The following PCDHA7 variants were observed in gnomAD, a reference collection of about 807,000 sequenced individuals.
PCDHA7 encodes the protein protocadherin alpha-7.
In PCDHA7, 37 loss-of-function variants were observed where a neutral mutation model predicts 57.2. The observed-to-expected ratio is 0.65, with a 90% CI of 0.50 to 0.85. PCDHA7 has a LOEUF of 0.85. Among genes scored for constraint, PCDHA7 ranks in the 40% least tolerant of loss-of-function variants. PCDHA7 has a pLI of 0.00. For synonymous variants in PCDHA7, 553 were observed against 558.8 expected, an observed-to-expected ratio of 0.99 and a Z score of 0.15; for missense variants, 1,188 against 1,241.8, an observed-to-expected ratio of 0.96 and a Z score of 0.65.
rs546684407 is a variant in PCDHA7 at position 140,870,806 on chromosome 5, A to G, written c.2355+34068A>G. 6.2e-6 allele frequency: 10 copies of G among 1,613,688 alleles called. No individual in the cohort carries two copies. In the Admixed American group the frequency reaches 1.7e-4, roughly 27 times the overall value. ...AACGCGCCGGCACTGCTGGCGACTC[A>G]GGCTGGCAGCGCGGGAGGCGCAGTT... is the stretch of plus-strand genomic sequence containing the variant. On this transcript the variant is annotated intron_variant, in intron 1 of 3. Transcript: ENST00000525929.
intron 1 of PCDHA7, among the ~76,000 whole-genome samples, chr5:140,976,181 A>G (rs1334452758): frequency 6.6e-6 from 1 of 152,208 alleles, no homozygotes; most frequent in Non-Finnish European, 1.5e-5. Flanking sequence ...ATTGTTTTAA[A>G]TCAATATCCT....
In PCDHA7 at chr5:141,012,060, A is replaced by T. The variant is rs919882671; in HGVS notation, c.*2123A>T. 3.9e-5 allele frequency: 6 copies of T among 153,766 alleles called. No individual in the cohort carries two copies. The highest frequency in any genetic ancestry group is 8.8e-5 in the Non-Finnish European group (6 of 68,040). 9.5% of individuals were successfully genotyped at this position (153,766 alleles called of 1,614,324 possible). ...GCATGGGGTAAAACTTGTTACCAAC[A>T]CATGTGAACCATTGCTACATTGTAG... On this transcript the variant is annotated 3_prime_UTR_variant, in exon 4 of 4. Transcript: ENST00000525929.
At chr5:140,867,981 A>G (rs1451119630) in intron 1 of PCDHA7, 5 of 152,162 alleles carry the variant, frequency 3.3e-5, no homozygotes, top group African/African-American at 4.8e-5. Context: ...CAAGAAACAA[A>G]CTATTTTCAT....
At chr5:140,993,462 TCACACACACACACACACACACA>T (rs3836747) in intron 3 of PCDHA7, among the ~76,000 whole-genome samples, 6 of 141,044 alleles carry the variant, frequency 4.3e-5, no homozygotes, top group East Asian at 4.2e-4. Context: ...TCTTTCTTTC[TCACACACACACACACACACACA>T]CACACACACA....
chr5:140,991,748 T>C (rs1192231997), intron 3 of PCDHA7, among the ~76,000 whole-genome samples: 4 of 152,224 alleles, frequency 2.6e-5, no homozygotes, highest in Non-Finnish European at 4.4e-5. Flanking sequence ...AGGCTCTTTC[T>C]ATCATGCTCT....
Position 140,848,482 on chromosome 5 carries a change from A to G in PCDHA7, c.2355+11744A>G, listed in dbSNP as rs1562444784. ...GGCAATTTTCACTAATTAGAAGAAG[A>G]CTGAGTATTTGAAATGTTATACTCA... On this transcript the variant is annotated intron_variant, in intron 1 of 3. Transcript: ENST00000525929. 3 of 1,569,886 alleles carry G rather than the reference A, an allele frequency of 1.9e-6. 1 individual carries two copies. In the African/African-American group the frequency reaches 4.1e-5, roughly 21 times the overall value.
chr5:140,869,919 A>G (rs1554163602), intron 1 of PCDHA7: 3 of 1,611,440 alleles, frequency 1.9e-6, no homozygotes. Flanking sequence ...GAGACGAAGG[A>G]GTCAATGGAG....
intron 3 of PCDHA7, among the ~76,000 whole-genome samples, chr5:141,008,824 T>C (rs1042258496): frequency 6.6e-6 from 1 of 152,186 alleles, no homozygotes; most frequent in African/African-American, 2.4e-5. Flanking sequence ...TACAACAGGA[T>C]TCCATCCTCT....
intron 1 of PCDHA7, chr5:140,865,831 C>T (rs1554159632): frequency 6.6e-6 from 1 of 152,124 alleles, no homozygotes. Context: ...GTAGAGCTTT[C>T]TTTAGTAAGT....
intron 3 of PCDHA7, among the ~76,000 whole-genome samples, chr5:140,989,984 C>T (rs907486922): frequency 3.3e-5 from 5 of 152,032 alleles, no homozygotes; most frequent in African/African-American, 1.2e-4. Context: ...ACAGCCCTGC[C>T]TGAAATTGTC....
intron 1 of PCDHA7, among the ~76,000 whole-genome samples, chr5:140,975,052 T>C (rs2096651440): frequency 6.6e-6 from 1 of 152,206 alleles, no homozygotes; most frequent in South Asian, 2.1e-4. Context: ...AGGAAGAATC[T>C]ACTATCGAGC....
chr5:140,933,752 A>T (rs1308245960), intron 1 of PCDHA7, among the ~76,000 whole-genome samples: 1 of 152,068 alleles, frequency 6.6e-6, no homozygotes, highest in African/African-American at 2.4e-5. Context: ...AGAATTCACT[A>T]GTGAAGCTCT....
At chr5:141,000,395 C>CTATATA (rs1190667031) in intron 3 of PCDHA7, among the ~76,000 whole-genome samples, 4 of 53,980 alleles carry the variant, frequency 7.4e-5, no homozygotes, top group East Asian at 6.1e-4. Context: ...CTCTCTCTCT[C>CTATATA]TATATATATA....
At chr5:140,921,958 A>G (rs155363) in intron 1 of PCDHA7, among the ~76,000 whole-genome samples, 87,659 of 151,706 alleles carry the variant, frequency 0.58, 26,267 homozygotes, top group African/African-American at 0.75. Flanking sequence ...AAATCCCAGA[A>G]AACCAAAGGA....
chr5:140,936,640 C>G (rs782162757), intron 1 of PCDHA7, among the ~76,000 whole-genome samples: 3 of 152,208 alleles, frequency 2.0e-5, no homozygotes, highest in African/African-American at 7.2e-5. Context: ...TCATAAGCAA[C>G]GTGACTTTAT....
intron 1 of PCDHA7, among the ~76,000 whole-genome samples, chr5:140,961,915 G>A (rs1393178053): frequency 2.0e-5 from 3 of 147,010 alleles, no homozygotes; most frequent in East Asian, 4.0e-4. Context: ...ATGGAGTCTC[G>A]CTCTGTTGCC....
At chr5:140,966,528 G>C in intron 1 of PCDHA7, 1 of 446,634 alleles carries the variant, frequency 2.2e-6, no homozygotes, top group Non-Finnish European at 3.9e-6. Context: ...AGCCGAGCCG[G>C]GTTGAGCGAC....
In PCDHA7 at chr5:140,854,965, C is replaced by T. The variant is rs951485051; in HGVS notation, c.2355+18227C>T. Among the ~76,000 whole-genome samples the T allele has an allele frequency of 4.0e-5, 6 of 149,774 alleles. 1 individual carries two copies. Among genetic ancestry groups the T allele is most frequent in the African/African-American group, 1.5e-4 (6 of 40,950 alleles). ...TAATAAATTTCTTAATTACTTTATT[C>T]AGAATTATAATTAAGATTCTTTTTG... On this transcript the variant is annotated intron_variant, in intron 1 of 3. Coordinates refer to ENST00000525929, the MANE Select transcript of PCDHA7 (RefSeq NM_018910.3).
At chr5:140,968,697 C>G in intron 1 of PCDHA7, 2 of 1,614,144 alleles carry the variant, frequency 1.2e-6, no homozygotes, top group South Asian at 2.2e-5. Flanking sequence ...GAAATTAGGA[C>G]TACCAGGAAG....
Sources: allele counts gnomAD v4.1 joint callset (sites outside exome capture counted in the v4.1 genomes callset), GRCh38; gene constraint gnomAD v4.1.1; transcripts MANE v1.5; gene names NCBI Gene and HGNC (gene_info 2026-07-23, HGNC 2026-07-21).